Variants in STPG2 observed in about 807,000 individuals in gnomAD.
STPG2 encodes the protein sperm-tail PG-rich repeat-containing protein 2.
A neutral mutation model predicts 54.2 loss-of-function variants in STPG2; 56 were observed. The ratio of observed to expected loss-of-function variants is 1.03; its 90% CI spans 0.83 to 1.29. The LOEUF is 1.29. STPG2 is among the 50% of genes most tolerant of loss of function. The pLI, the probability that STPG2 is intolerant of heterozygous loss-of-function variation, is 0.00. For missense variants in STPG2, 596 were observed against 544.9 expected (o/e 1.09, Z -0.93); for synonymous variants, 200 against 181.8 (o/e 1.10, Z -0.81).
chr4:97,446,094 A>C (rs1007429415), intron 4 of STPG2, among the ~76,000 whole-genome samples: 1 of 152,190 alleles, frequency 6.6e-6, no homozygotes, highest in African/African-American at 2.4e-5. Flanking sequence ...AATGCAATTT[A>C]ACTAAAAAAG....
intron 4 of STPG2, among the ~76,000 whole-genome samples, chr4:97,471,276 G>T (rs1482357799): frequency 6.6e-6 from 1 of 152,088 alleles, no homozygotes; most frequent in Non-Finnish European, 1.5e-5. Flanking sequence ...TTGATTTATG[G>T]TGAAATGTGC....
chr4:97,731,763 G>A (rs1348154997), intron 9 of STPG2, among the ~76,000 whole-genome samples: 1 of 152,200 alleles, frequency 6.6e-6, no homozygotes, highest in Non-Finnish European at 1.5e-5. Flanking sequence ...TCTTCTCAGT[G>A]TTCTGAGGAT....
At chr4:97,865,189 C>T (rs1164601868) in intron 8 of STPG2, among the ~76,000 whole-genome samples, 2 of 152,008 alleles carry the variant, frequency 1.3e-5, no homozygotes, top group African/African-American at 2.4e-5. Context: ...TTGCAATCTA[C>T]TCATCTGACA....
chr4:97,652,508 A>G (rs905690084), intron 10 of STPG2, among the ~76,000 whole-genome samples: 2 of 151,918 alleles, frequency 1.3e-5, no homozygotes, highest in African/African-American at 4.8e-5. Context: ...TAATTAGATT[A>G]TGATGTATGA....
chr4:98,053,452 A>C (rs1386642545), intron 5 of STPG2, among the ~76,000 whole-genome samples: 1 of 152,154 alleles, frequency 6.6e-6, no homozygotes, highest in Non-Finnish European at 1.5e-5. Context: ...CACTTCCAGC[A>C]GAGACAAACT....
At chr4:97,726,061 T>C (rs3886241) in intron 9 of STPG2, among the ~76,000 whole-genome samples, 294 of 151,894 alleles carry the variant, frequency 1.9e-3, no homozygotes, top group African/African-American at 7.0e-3. Context: ...ACCACCTCTA[T>C]AAAATGAAAG....
At chr4:97,800,526 T>A (rs1327818719) in intron 9 of STPG2, among the ~76,000 whole-genome samples, 2 of 152,220 alleles carry the variant, frequency 1.3e-5, no homozygotes, top group African/African-American at 2.4e-5. Context: ...TGTTGCTGCC[T>A]GATCGTTCCT....
At chr4:97,928,350 A>G (rs1732411719) in intron 8 of STPG2, among the ~76,000 whole-genome samples, 1 of 152,154 alleles carries the variant, frequency 6.6e-6, no homozygotes. Context: ...AAATTCATTA[A>G]TATGTTTTGT....
chr4:97,463,767 C>T (rs1446859074), intron 4 of STPG2, among the ~76,000 whole-genome samples: 1 of 152,188 alleles, frequency 6.6e-6, no homozygotes, highest in Non-Finnish European at 1.5e-5. Context: ...TTGTTATTAT[C>T]TTACATTAGT....
At chr4:98,041,963 T>C (rs1376636240) in intron 5 of STPG2, among the ~76,000 whole-genome samples, 1 of 151,992 alleles carries the variant, frequency 6.6e-6, no homozygotes, top group African/African-American at 2.4e-5. Flanking sequence ...CATCTGGTCC[T>C]AGGCTTTCTT....
intron 4 of STPG2, among the ~76,000 whole-genome samples, chr4:97,466,276 G>A (rs1046440705): frequency 6.6e-6 from 1 of 151,948 alleles, no homozygotes; most frequent in African/African-American, 2.4e-5. Context: ...TTCTGAGTGT[G>A]TAATTAATAG....
chr4:97,818,115 T>C (rs1465749849), intron 9 of STPG2, among the ~76,000 whole-genome samples: 2 of 151,950 alleles, frequency 1.3e-5, no homozygotes, highest in Non-Finnish European at 2.9e-5. Flanking sequence ...TAAAACTATG[T>C]GAGCTTTTAT....
At chr4:97,905,989 C>A (rs1451011192) in intron 8 of STPG2, among the ~76,000 whole-genome samples, 2 of 151,866 alleles carry the variant, frequency 1.3e-5, no homozygotes, top group Admixed American at 1.3e-4. Context: ...ATTCAAAAGC[C>A]AGCAGAAGGC....
At chr4:97,734,808 C>T (rs1322123864) in intron 9 of STPG2, among the ~76,000 whole-genome samples, 1 of 152,024 alleles carries the variant, frequency 6.6e-6, no homozygotes, top group African/African-American at 2.4e-5. Flanking sequence ...GGCGGTGGCT[C>T]ATGCCTGTAA....
chr4:97,480,144 G>A (rs980886019), intron 4 of STPG2, among the ~76,000 whole-genome samples: 2 of 151,468 alleles, frequency 1.3e-5, no homozygotes, highest in African/African-American at 4.8e-5. Context: ...ATAGATATTA[G>A]ACAAATAAGG....
intron 9 of STPG2, among the ~76,000 whole-genome samples, chr4:97,800,652 C>G (rs1727362335): frequency 6.6e-6 from 1 of 152,212 alleles, no homozygotes; most frequent in Non-Finnish European, 1.5e-5. Flanking sequence ...AGGAGGCAGT[C>G]TGTCCATTCT....
intron 10 of STPG2, among the ~76,000 whole-genome samples, chr4:97,711,270 GA>G (rs1287702447): frequency 6.6e-6 from 1 of 151,994 alleles, no homozygotes; most frequent in Non-Finnish European, 1.5e-5. Context: ...AACTTATCAA[GA>G]CCAATACCTT....
chr4:97,712,130 G>C (rs1724142770), intron 10 of STPG2, among the ~76,000 whole-genome samples: 2 of 152,096 alleles, frequency 1.3e-5, no homozygotes, highest in Admixed American at 6.5e-5. Context: ...ATAGTTAGTA[G>C]GGTAGGAATG....
rs188977797 is a variant in STPG2 at position 97,488,021 on chromosome 4, T to C, written c.462+224678A>G. ...TTGCCATTTAGAAAAAGATATACAA[T>C]TCCATCCCCTCCCCTCTTTCCTTTT... On this transcript the variant is annotated intron_variant, in intron 4 of 4. Coordinates refer to the STPG2 transcript ENST00000522676. Among the ~76,000 whole-genome samples the C allele has an allele frequency of 4.2e-3, 636 of 151,694 alleles. 3 individuals carry two copies. The highest frequency in any genetic ancestry group is 0.02 in the South Asian group (98 of 4,826).
Sources: allele counts gnomAD v4.1 joint callset (sites outside exome capture counted in the v4.1 genomes callset), GRCh38; gene constraint gnomAD v4.1.1; transcripts MANE v1.5; gene names NCBI Gene and HGNC (gene_info 2026-07-23, HGNC 2026-07-21).